ZHX3: variants seen among roughly 807,000 people sequenced by gnomAD.
ZHX3 encodes zinc fingers and homeoboxes 3, also known as zinc fingers and homeoboxes protein 3.
Under a neutral mutation model 64.5 loss-of-function variants are expected in ZHX3, and 20 were observed. The observed-to-expected ratio is 0.31, with a 90% CI of 0.22 to 0.45. The LOEUF is 0.45. ZHX3 is among the 20% of genes least tolerant of loss of function. ZHX3 has a pLI of 1.00. For synonymous variants in ZHX3, 423 were observed against 461.6 expected (o/e 0.92, Z 1.07); for missense variants, 1,041 against 1,195.8 (o/e 0.87, Z 1.91).
chr20:41,283,933 C>A (rs1259699310), intron 1 of ZHX3, among the ~76,000 whole-genome samples: 1 of 151,968 alleles, frequency 6.6e-6, no homozygotes, highest in African/African-American at 2.4e-5. Context: ...AAGAGAAAAC[C>A]TTTTTACTCT....
intron 2 of ZHX3, among the ~76,000 whole-genome samples, chr20:41,265,492 G>A (rs1046581219): frequency 2.0e-5 from 3 of 152,092 alleles, no homozygotes; most frequent in South Asian, 4.1e-4. Flanking sequence ...GTGAGCCACC[G>A]CGCCCGGCCG....
At chr20:41,235,670 G>A (rs771111594) in intron 2 of ZHX3, among the ~76,000 whole-genome samples, 1 of 152,140 alleles carries the variant, frequency 6.6e-6, no homozygotes, top group Non-Finnish European at 1.5e-5. Context: ...ATATCATACT[G>A]AATGGCAAAA....
intron 1 of ZHX3, among the ~76,000 whole-genome samples, chr20:41,273,495 A>C (rs6029603): frequency 0.58 from 87,717 of 151,996 alleles, 26,560 homozygotes; most frequent in East Asian, 0.82. Flanking sequence ...TATAGTCTTA[A>C]CTCTTATAAT....
In ZHX3 at chr20:41,226,147, C is replaced by T. The variant is rs1191729419; in HGVS notation, c.-150-21081G>A. On this transcript the variant is annotated intron_variant, in intron 2 of 3. Transcript: ENST00000683867. This position sits in a 1 kb window ranked among gnomAD's most constrained non-coding sequence, Gnocchi z 4.4. ...GCGCGGTGGCTCACACCTGTAATCC[C>T]AGCACTTTGGGAGGCCGAGGCGGGT... Among the ~76,000 whole-genome samples, 1 of 152,088 alleles carries T rather than the reference C, an allele frequency of 6.6e-6. No homozygotes were observed. The highest frequency in any genetic ancestry group is 1.5e-5 in the Non-Finnish European group (1 of 68,026).
intron 1 of ZHX3, among the ~76,000 whole-genome samples, chr20:41,311,380 C>A (rs12106071): frequency 0.18 from 27,210 of 152,180 alleles, 4,019 homozygotes; most frequent in African/African-American, 0.41. Flanking sequence ...TAATTTTCCT[C>A]AAGGCTTACA....
intron 1 of ZHX3, among the ~76,000 whole-genome samples, chr20:41,312,996 G>A (rs1289618581): frequency 2.6e-5 from 4 of 152,178 alleles, no homozygotes; most frequent in Non-Finnish European, 4.4e-5. Context: ...TCTGAGAGAG[G>A]TGGGTAGGTG....
In ZHX3 at chr20:41,193,692, TTTGTTG is replaced by T. The variant is rs1170172000; in HGVS notation, c.2860+8359_2860+8364del. ...TGTGTGTGTGGATTCAAGTTTTTTT[TTTGTTG>T]TTGTTGTTGTTTTTGTTTTTTTTTT... On this transcript the variant is annotated intron_variant, in intron 3 of 3. Transcript: ENST00000683867. Among the ~76,000 whole-genome samples the T allele has an allele frequency of 2.7e-5, 4 of 150,280 alleles. No homozygotes were observed. In the East Asian group the frequency reaches 7.8e-4, roughly 29 times the overall value.
At chr20:41,265,408 G>GTCAGGCTGGTC (rs2042793321) in intron 2 of ZHX3, among the ~76,000 whole-genome samples, 1 of 152,016 alleles carries the variant, frequency 6.6e-6, no homozygotes, top group African/African-American at 2.4e-5. Context: ...CTCCATGTTG[G>GTCAGGCTGGTC]TCAGGCTGGT....
At chr20:41,279,275 G>T (rs2043549206) in intron 1 of ZHX3, among the ~76,000 whole-genome samples, 1 of 151,992 alleles carries the variant, frequency 6.6e-6, no homozygotes, top group Non-Finnish European at 1.5e-5. Context: ...TTACATCCTT[G>T]TTAGCATTAA....
At chr20:41,208,746 G>A (rs560604322) in intron 2 of ZHX3, among the ~76,000 whole-genome samples, 1 of 151,952 alleles carries the variant, frequency 6.6e-6, no homozygotes, top group South Asian at 2.1e-4. Context: ...TACTGAATGG[G>A]CAAAAACTGG....
chr20:41,312,519 C>A lies in ZHX3; in HGVS notation c.-245+4990G>T, dbSNP rs368930553. Among the ~76,000 whole-genome samples the A allele has an allele frequency of 2.6e-5, 4 of 152,142 alleles. No individual in the cohort carries two copies. The East Asian group carries it at 5.8e-4, about 22-fold the overall frequency. ...GAAGTCAGCAAGACCACAGACCTAC[C>A]AGAAGGAATGAACTCCGGACACACT... is the stretch of plus-strand genomic sequence containing the variant. On this transcript the variant is annotated intron_variant, in intron 1 of 3. Transcript: ENST00000683867.
intron 2 of ZHX3, among the ~76,000 whole-genome samples, chr20:41,209,442 C>A (rs900439656): frequency 6.6e-6 from 1 of 152,140 alleles, no homozygotes; most frequent in Non-Finnish European, 1.5e-5. Context: ...TCAAACTATA[C>A]TATACTACAA....
In ZHX3 at chr20:41,204,964, G is replaced by A; in HGVS notation, c.-48C>T. 6.7e-7 allele frequency: 1 copy of A among 1,490,518 alleles called. No homozygotes were observed. Among genetic ancestry groups the A allele is most frequent in the Non-Finnish European group, 8.9e-7 (1 of 1,120,326 alleles). 92.3% of individuals were successfully genotyped at this position (1,490,518 alleles called of 1,614,324 possible). A position where few individuals can be genotyped will look rare whatever the true frequency, so the allele number is the denominator to read the frequency against. ...GCAGTTGAGAGCTTGTCCCATAAGG[G>A]GCCTAACAATACAAGTTCCAGCTTC... is the stretch of plus-strand genomic sequence containing the variant. On this transcript the variant is annotated 5_prime_UTR_variant, in exon 3 of 4. Coordinates refer to ENST00000683867, the MANE Select transcript of ZHX3 (RefSeq NM_001384317.1). The surrounding 1 kb of genome is among the most constrained non-coding windows in gnomAD (Gnocchi z 6.6).
rs973246506 is a variant in ZHX3, at chr20:41,212,240, C to T, written c.-150-7174G>A. Among the ~76,000 whole-genome samples the T allele has an allele frequency of 6.6e-6, 1 of 152,014 alleles. No homozygotes were observed. The highest frequency in any genetic ancestry group is 2.1e-4 in the South Asian group (1 of 4,816). Reference sequence around the variant, plus strand: ...GTAAAGGATTTGAATAGACACTTCTCCAAAGAAGATATACAAATGGCCAGT... The same window carrying T: ...GTAAAGGATTTGAATAGACACTTCTTCAAAGAAGATATACAAATGGCCAGT... On this transcript the variant is annotated intron_variant, in intron 2 of 3. Transcript: ENST00000683867. The surrounding 1 kb of genome is among the most constrained non-coding windows in gnomAD (Gnocchi z 4.3).
chr20:41,298,032 G>A (rs548929786), intron 1 of ZHX3, among the ~76,000 whole-genome samples: 176 of 152,062 alleles, frequency 1.2e-3, no homozygotes, highest in Non-Finnish European at 1.4e-3. Context: ...TGTGCAGAGG[G>A]CTCTTCCAGA....
At chr20:41,295,148 T>G (rs1042234280) in intron 1 of ZHX3, among the ~76,000 whole-genome samples, 1 of 152,006 alleles carries the variant, frequency 6.6e-6, no homozygotes, top group Non-Finnish European at 1.5e-5. Flanking sequence ...CCTAAAGAAA[T>G]AATTCCATTT....
rs1600687435 is a variant in ZHX3 at position 41,180,026 on chromosome 20, A to G, written c.*5165T>C. ...TATTCATTAACACATACAGGTGCTC[A>G]TGTGTGTGTGTGCACGCGCACATGA... On this transcript the variant is annotated 3_prime_UTR_variant, in exon 4 of 4. Coordinates refer to ENST00000683867, the MANE Select transcript of ZHX3 (RefSeq NM_001384317.1). 1 of 152,540 alleles carries G rather than the reference A, an allele frequency of 6.6e-6. No individual in the cohort carries two copies. Among genetic ancestry groups the G allele is most frequent in the South Asian group, 2.1e-4 (1 of 4,806 alleles). The allele number at this position is 152,540 out of a possible 1,614,324, so 9.4% of individuals were successfully genotyped here. A position where few individuals can be genotyped will look rare whatever the true frequency, so the allele number is the denominator to read the frequency against.
At chr20:41,216,194 A>C (rs1187963528) in intron 2 of ZHX3, among the ~76,000 whole-genome samples, 2 of 152,218 alleles carry the variant, frequency 1.3e-5, no homozygotes, top group Non-Finnish European at 2.9e-5. Flanking sequence ...ACAGACCATA[A>C]ATAAACCTCA....
intron 3 of ZHX3, among the ~76,000 whole-genome samples, chr20:41,192,765 T>C (rs1251022924): frequency 6.6e-6 from 1 of 152,220 alleles, no homozygotes; most frequent in Non-Finnish European, 1.5e-5. Flanking sequence ...TTGCTGTAGC[T>C]GTTTTGTTCT....
Sources: gnomAD v4.1 joint callset for allele counts (sites outside exome capture counted in the v4.1 genomes callset) on GRCh38, gnomAD v4.1.1 for gene constraint, Gnocchi (gnomAD v3.1) non-coding constraint, MANE v1.5 for transcripts, NCBI Gene and HGNC (gene_info 2026-07-23, HGNC 2026-07-21) for gene names.